The following HACD2 variants were observed in gnomAD, a reference collection of about 807,000 sequenced individuals.
The protein encoded by HACD2 is very-long-chain (3R)-3-hydroxyacyl-CoA dehydratase 2.
HACD2 carries 15 observed loss-of-function variants against 31.0 expected under a neutral mutation model. That is an observed-to-expected ratio of 0.48 (90% confidence interval 0.32 to 0.75). HACD2 has a LOEUF of 0.75. Among genes scored for constraint, HACD2 ranks in the 30% least tolerant of loss-of-function variants. The pLI is 0.03. For synonymous variants in HACD2, 115 were observed against 122.2 expected (o/e 0.94, Z 0.39); for missense variants, 283 against 313.0 (o/e 0.90, Z 0.72).
At chr3:123,522,358 G>A (rs971860182) in intron 4 of HACD2, among the ~76,000 whole-genome samples, 2 of 149,390 alleles carry the variant, frequency 1.3e-5, no homozygotes, top group African/African-American at 2.5e-5. Context: ...AAGAGAGAGA[G>A]AGAGAAGTGA....
intron 3 of HACD2, among the ~76,000 whole-genome samples, chr3:123,543,024 G>A (rs954098611): frequency 2.6e-5 from 4 of 152,192 alleles, no homozygotes; most frequent in African/African-American, 4.8e-5. Context: ...GTGTGTATAC[G>A]TCAGTATTAG....
chr3:123,582,249 T>C lies in HACD2; in HGVS notation c.236A>G (p.Lys79Arg), dbSNP rs761859365. 6.2e-7 allele frequency: 1 copy of C among 1,606,460 alleles called. No individual in the cohort carries two copies. Among genetic ancestry groups the C allele is most frequent in the Non-Finnish European group, 8.5e-7 (1 of 1,176,248 alleles). Residue 79 changes from lysine (K) to arginine (R), a missense_variant, in exon 2 of 7, where the codon AAG (lysine) becomes AGG (arginine). Physicochemically the swap from Lys to Arg is conservative, Grantham distance 26. Around this residue, in one of 3 missense-constraint regions of HACD2, gnomAD observed 158 missense variants for 148.3 expected, o/e 1.07. Coordinates refer to ENST00000383657, the MANE Select transcript of HACD2 (RefSeq NM_198402.5). The stretch of plus-strand genomic sequence containing the variant: ...TCCAGTTTGAAAGAATTTCAAAGGC[T>C]TTTCAATTGAATAATAAAGGCTATG... Reference protein sequence around the residue: ...SYHSLYYSIEKPLKFFQTGAL... With the variant: ...SYHSLYYSIERPLKFFQTGAL...
intron 6 of HACD2, among the ~76,000 whole-genome samples, chr3:123,499,991 G>A (rs146311127): frequency 5.9e-5 from 9 of 152,194 alleles, no homozygotes; most frequent in African/African-American, 1.9e-4. Context: ...AGAACACTGT[G>A]TCCCAATCAG....
intron 4 of HACD2, among the ~76,000 whole-genome samples, chr3:123,520,046 T>C (rs2056193782): frequency 6.6e-6 from 1 of 152,160 alleles, no homozygotes; most frequent in South Asian, 2.1e-4. Context: ...GGCAAACTTA[T>C]CAGGTGAATC....
chr3:123,502,445 A>C, intron 5 of HACD2, 115 bp downstream of exon 5: 1 of 1,094,188 alleles, frequency 9.1e-7, no homozygotes, highest in Non-Finnish European at 1.3e-6. Flanking sequence ...CAAAATTTCT[A>C]CCCAACCCGT....
chr3:123,554,974 G>A (rs1166305312), intron 3 of HACD2, among the ~76,000 whole-genome samples: 1 of 152,064 alleles, frequency 6.6e-6, no homozygotes, highest in Non-Finnish European at 1.5e-5. Context: ...GAAGATGCAA[G>A]GAAAATTAGA....
chr3:123,529,062 A>T (rs756614087), intron 3 of HACD2, among the ~76,000 whole-genome samples: 4 of 151,678 alleles, frequency 2.6e-5, no homozygotes, highest in Non-Finnish European at 5.9e-5. Context: ...TATCCTCCCA[A>T]TGTCCTCAAG....
In HACD2 at chr3:123,509,706, A is replaced by G. The variant is rs180852392; in HGVS notation, c.382-7025T>C. Among the ~76,000 whole-genome samples the G allele has an allele frequency of 2.0e-3, 306 of 152,034 alleles. 1 individual carries two copies. Among genetic ancestry groups the G allele is most frequent in the African/African-American group, 7.0e-3 (289 of 41,496 alleles). On this transcript the variant is annotated intron_variant, in intron 4 of 6. Coordinates refer to ENST00000383657, the MANE Select transcript of HACD2 (RefSeq NM_198402.5). Reference sequence around the variant, plus strand: ...AGTAGAGATGGGGTTTCACCGTGTTAGCCAGGATGGTCTCGATCTCCTGAC... The same window carrying G: ...AGTAGAGATGGGGTTTCACCGTGTTGGCCAGGATGGTCTCGATCTCCTGAC...
intron 3 of HACD2, among the ~76,000 whole-genome samples, chr3:123,530,523 C>G (rs761100663): frequency 1.3e-5 from 2 of 152,018 alleles, no homozygotes; most frequent in African/African-American, 4.8e-5. Context: ...GTTCTCCTGC[C>G]TCCGCCTCCC....
At chr3:123,550,928 G>A (rs2056613412) in intron 3 of HACD2, among the ~76,000 whole-genome samples, 1 of 152,180 alleles carries the variant, frequency 6.6e-6, no homozygotes, top group Non-Finnish European at 1.5e-5. Flanking sequence ...GAACCCATGA[G>A]GGAATCTCAG....
chr3:123,533,052 C>G (rs2056383434), intron 3 of HACD2, among the ~76,000 whole-genome samples: 1 of 152,106 alleles, frequency 6.6e-6, no homozygotes, highest in African/African-American at 2.4e-5. Context: ...TAGCCAGAAA[C>G]CTTCACGCTA....
chr3:123,569,045 T>A (rs990985006), intron 2 of HACD2, among the ~76,000 whole-genome samples: 1 of 152,314 alleles, frequency 6.6e-6, no homozygotes, highest in East Asian at 1.9e-4. Flanking sequence ...CTGAGCCTGA[T>A]AAGGCTCTGT....
chr3:123,546,348 T>C (rs1452382230), intron 3 of HACD2, among the ~76,000 whole-genome samples: 2 of 152,188 alleles, frequency 1.3e-5, no homozygotes, highest in Non-Finnish European at 2.9e-5. Context: ...ACCATTTGCT[T>C]ACCCACTATA....
At chr3:123,555,613 T>C (rs1171064693) in intron 3 of HACD2, among the ~76,000 whole-genome samples, 1 of 152,240 alleles carries the variant, frequency 6.6e-6, no homozygotes, top group Non-Finnish European at 1.5e-5. Flanking sequence ...ATTATATGTC[T>C]GTGGATTGAA....
chr3:123,520,848 A>G (rs1157514271), intron 4 of HACD2, among the ~76,000 whole-genome samples: 1 of 152,202 alleles, frequency 6.6e-6, no homozygotes, highest in Non-Finnish European at 1.5e-5. Flanking sequence ...AGCTGATCAC[A>G]TATAACTAAA....
intron 3 of HACD2, among the ~76,000 whole-genome samples, chr3:123,565,126 C>T (rs181627411): frequency 5.3e-5 from 8 of 152,146 alleles, no homozygotes; most frequent in Admixed American, 4.6e-4. Context: ...ACGTGCTAGG[C>T]GTTCGATAAT....
At chr3:123,504,750 G>A (rs2107683645) in intron 4 of HACD2, among the ~76,000 whole-genome samples, 1 of 152,296 alleles carries the variant, frequency 6.6e-6, no homozygotes, top group Non-Finnish European at 1.5e-5. Context: ...TAGGGATGCA[G>A]GAAATGACCA....
intron 3 of HACD2, among the ~76,000 whole-genome samples, chr3:123,558,217 ATGGAGACAG>A (rs2056692471): frequency 6.6e-6 from 1 of 152,212 alleles, no homozygotes; most frequent in Non-Finnish European, 1.5e-5. Context: ...AGGCAAAACC[ATGGAGACAG>A]TGGAAAGATC....
intron 3 of HACD2, among the ~76,000 whole-genome samples, chr3:123,556,336 C>T (rs2056672377): frequency 6.6e-6 from 1 of 151,520 alleles, no homozygotes; most frequent in Non-Finnish European, 1.5e-5. Flanking sequence ...GCTTGGGAAG[C>T]TGAGGTGGGA....
Sources: gnomAD v4.1 joint callset for allele counts (sites outside exome capture counted in the v4.1 genomes callset) on GRCh38, gnomAD v4.1.1 for gene constraint, gnomAD v4.1.1 regional missense constraint, MANE v1.5 for transcripts, NCBI Gene and HGNC (gene_info 2026-07-23, HGNC 2026-07-21) for gene names.